ATF7: variants seen among roughly 807,000 people sequenced by gnomAD.
ATF7 encodes the protein activating transcription factor 7, also known as cyclic AMP-dependent transcription factor ATF-7.
Under a neutral mutation model 50.4 loss-of-function variants are expected in ATF7, and 10 were observed. That is an observed-to-expected ratio of 0.20 (90% confidence interval 0.12 to 0.34). ATF7 has a LOEUF of 0.34. Ranked by LOEUF, ATF7 falls within the 10% of genes least tolerant of loss-of-function variation. The pLI is 1.00. For synonymous variants in ATF7, 201 were observed against 226.4 expected (o/e 0.89, Z 1.01); for missense variants, 465 against 613.9 (o/e 0.76, Z 2.56).
At chr12:53,601,051 A>T in intron 1 of ATF7, 30 bp from the exon 2 acceptor site, 6 of 1,412,804 alleles carry the variant, frequency 4.2e-6, no homozygotes, top group Non-Finnish European at 5.9e-6. Flanking sequence ...GGAAAAAGTT[A>T]TGTTAAATAT....
intron 2 of ATF7, among the ~76,000 whole-genome samples, chr12:53,593,966 C>T (rs1206045679): frequency 6.6e-6 from 1 of 152,234 alleles, no homozygotes; most frequent in African/African-American, 2.4e-5. Context: ...TAAAGAAATA[C>T]GCTAACCAGA....
intron 1 of ATF7, among the ~76,000 whole-genome samples, chr12:53,623,031 C>G (rs774979513): frequency 6.6e-6 from 1 of 152,088 alleles, no homozygotes; most frequent in Non-Finnish European, 1.5e-5. Flanking sequence ...AGAATGAAAG[C>G]GATAAGTGTC....
intron 2 of ATF7, among the ~76,000 whole-genome samples, chr12:53,565,367 T>G (rs1196903939): frequency 2.6e-5 from 4 of 151,890 alleles, no homozygotes; most frequent in African/African-American, 9.7e-5. Context: ...ATCATAGGTA[T>G]AGATATACTT....
intron 2 of ATF7, among the ~76,000 whole-genome samples, chr12:53,597,245 T>C (rs923374637): frequency 1.3e-5 from 2 of 152,036 alleles, no homozygotes; most frequent in Admixed American, 6.6e-5. Flanking sequence ...TCAGACTTAC[T>C]GGTGGGAAGT....
At chr12:53,555,922 T>C (rs1940722844) in intron 2 of ATF7, among the ~76,000 whole-genome samples, 1 of 152,096 alleles carries the variant, frequency 6.6e-6, no homozygotes, top group South Asian at 2.1e-4. Context: ...TTCAAGCGAT[T>C]CTCCTGTCTC....
intron 2 of ATF7, among the ~76,000 whole-genome samples, chr12:53,586,229 A>T (rs1942673468): frequency 6.6e-6 from 1 of 152,210 alleles, no homozygotes; most frequent in South Asian, 2.1e-4. Flanking sequence ...ACATACACAG[A>T]CATCTAGACC....
chr12:53,532,031 T>A, intron 8 of ATF7, 135 bp from the exon 9 acceptor site: 2 of 1,018,172 alleles, frequency 2.0e-6, no homozygotes, highest in Non-Finnish European at 2.8e-6. Flanking sequence ...ACAGAGGAAT[T>A]AAGAGAAAAT....
At chr12:53,565,387 C>T (rs899183137) in intron 2 of ATF7, among the ~76,000 whole-genome samples, 2 of 149,762 alleles carry the variant, frequency 1.3e-5, no homozygotes, top group Admixed American at 1.3e-4. Context: ...TAGCCAAAGT[C>T]CTGGTCATCT....
At chr12:53,606,809 C>T (rs189480020) in intron 1 of ATF7, among the ~76,000 whole-genome samples, 28 of 145,502 alleles carry the variant, frequency 1.9e-4, no homozygotes, top group South Asian at 6.5e-4. Context: ...TGAGAACATG[C>T]GGTGTTTGGT....
chr12:53,620,143 CA>C (rs921123957), intron 1 of ATF7, among the ~76,000 whole-genome samples: 2 of 148,674 alleles, frequency 1.3e-5, no homozygotes, highest in African/African-American at 5.0e-5. Flanking sequence ...GACCCTGTCT[CA>C]AAAAAAAACC....
chr12:53,613,691 T>C (rs1050932197), intron 1 of ATF7, among the ~76,000 whole-genome samples: 14 of 151,812 alleles, frequency 9.2e-5, no homozygotes, highest in Non-Finnish European at 1.9e-4. Flanking sequence ...CGGGTAATTT[T>C]TAAAATTTTT....
intron 2 of ATF7, among the ~76,000 whole-genome samples, chr12:53,567,694 A>T (rs1233110058): frequency 6.6e-6 from 1 of 152,212 alleles, no homozygotes; most frequent in Non-Finnish European, 1.5e-5. Flanking sequence ...TACATGGCTA[A>T]TTGCTTTCTC....
intron 11 of ATF7, among the ~76,000 whole-genome samples, chr12:53,521,290 G>C (rs1938112244): frequency 2.0e-5 from 3 of 152,142 alleles, no homozygotes; most frequent in African/African-American, 7.2e-5. Context: ...AGCCTAGTCA[G>C]ATCAATTATA....
chr12:53,524,718 C>T lies in ATF7; in HGVS notation c.971G>A (p.Arg324Gln), dbSNP rs201908592. The part of the protein sequence containing the change: ...QPTPSTGGRR[R>Q]RTVDEDPDER... The stretch of plus-strand genomic sequence containing the variant: ...ATCTGGATCTTCATCTACTGTGCGC[C>T]GCCGTCGCCCCCCAGTACTAGGGGT... The change falls in exon 10 of 12, where the codon CGG becomes CAG. Residue 324 changes from arginine (R) to glutamine (Q), a missense_variant. Transcript: ENST00000420353. This position sits in a 1 kb window ranked among gnomAD's most constrained non-coding sequence, Gnocchi z 4.6. The T allele has an allele frequency of 6.2e-6, 10 of 1,612,194 alleles. No homozygotes were observed. The highest frequency in any genetic ancestry group is 7.6e-6 in the Non-Finnish European group (9 of 1,179,512).
intron 1 of ATF7, among the ~76,000 whole-genome samples, chr12:53,619,116 G>A (rs1944271156): frequency 6.6e-6 from 1 of 152,010 alleles, no homozygotes; most frequent in African/African-American, 2.4e-5. Context: ...ACATTACAGG[G>A]AAACTACATA....
intron 1 of ATF7, among the ~76,000 whole-genome samples, chr12:53,603,543 A>T (rs559155052): frequency 1.3e-5 from 2 of 152,158 alleles, no homozygotes; most frequent in Non-Finnish European, 2.9e-5. Flanking sequence ...TTTTCACCAA[A>T]GGGAGATCAC....
At chr12:53,592,449 C>T (rs1222817398) in intron 2 of ATF7, among the ~76,000 whole-genome samples, 1 of 152,188 alleles carries the variant, frequency 6.6e-6, no homozygotes, top group Non-Finnish European at 1.5e-5. Context: ...ACTATTTCTT[C>T]TTCACAATTT....
chr12:53,527,272 C>A (rs937216565), intron 9 of ATF7, among the ~76,000 whole-genome samples: 2 of 151,770 alleles, frequency 1.3e-5, no homozygotes, highest in African/African-American at 4.8e-5. Context: ...ATCACTGGAG[C>A]CCAGGAGTTA....
intron 2 of ATF7, among the ~76,000 whole-genome samples, chr12:53,555,710 A>C (rs1270756234): frequency 5.3e-5 from 8 of 151,908 alleles, no homozygotes. Context: ...GGGTTTCTAC[A>C]TGTTGGTCAG....
Sources: gnomAD v4.1 joint callset for allele counts (sites outside exome capture counted in the v4.1 genomes callset) on GRCh38, gnomAD v4.1.1 for gene constraint, Gnocchi (gnomAD v3.1) non-coding constraint, MANE v1.5 for transcripts, NCBI Gene and HGNC (gene_info 2026-07-23, HGNC 2026-07-21) for gene names.